The following EML5 variants were observed in gnomAD, a reference collection of about 807,000 sequenced individuals.
The protein encoded by EML5 is echinoderm microtubule-associated protein-like 5.
In EML5, 120 loss-of-function variants were observed where a neutral mutation model predicts 250.0. That is an observed-to-expected ratio of 0.48 (90% CI 0.41 to 0.56). The LOEUF is 0.56. Among genes scored for constraint, EML5 ranks in the 20% least tolerant of loss-of-function variants. EML5 has a pLI of 0.00. For synonymous variants in EML5, 771 were observed against 806.5 expected, an observed-to-expected ratio of 0.96 and a Z score of 0.75; for missense variants, 2,006 against 2,437.6, an observed-to-expected ratio of 0.82 and a Z score of 3.73.
chr14:88,643,954 G>A (rs979522242), intron 30 of EML5, among the ~76,000 whole-genome samples: 1 of 152,174 alleles, frequency 6.6e-6, no homozygotes, highest in Admixed American at 6.5e-5. Flanking sequence ...AATGCCTAAA[G>A]AGCCTTCCTT....
chr14:88,633,765 A>T (rs2090568693), intron 33 of EML5, among the ~76,000 whole-genome samples: 2 of 151,910 alleles, frequency 1.3e-5, no homozygotes, highest in South Asian at 4.2e-4. Flanking sequence ...AAATGCTTAT[A>T]CTTTTATTAA....
In EML5 at chr14:88,638,927, A is replaced by T; in HGVS notation, c.4238-20T>A. The T allele has an allele frequency of 6.5e-7, 1 of 1,533,800 alleles. No homozygotes were observed. The highest frequency in any genetic ancestry group is 8.8e-7 in the Non-Finnish European group (1 of 1,139,018). On this transcript the variant is annotated intron_variant, in intron 31 of 43. Transcript: ENST00000554922. ...GAGAACCTACAAAAAAGAATTTGAGAATTAAGTTTGAAAATTTTAAGATGT... is the reference window on the plus strand; with the variant it reads ...GAGAACCTACAAAAAAGAATTTGAGTATTAAGTTTGAAAATTTTAAGATGT...
intron 2 of EML5, among the ~76,000 whole-genome samples, chr14:88,750,689 G>A (rs1005372190): frequency 6.6e-6 from 1 of 152,090 alleles, no homozygotes; most frequent in Non-Finnish European, 1.5e-5. Context: ...TTGGTAGAAT[G>A]AATAATTTAT....
chr14:88,665,214 G>T, intron 22 of EML5, 123 bp downstream of exon 22: 1 of 1,038,458 alleles, frequency 9.6e-7, no homozygotes. Flanking sequence ...TTGCTACACT[G>T]CCTCTTCTAG....
chr14:88,694,854 TAGC>T (rs2093039621), intron 16 of EML5, among the ~76,000 whole-genome samples: 1 of 152,190 alleles, frequency 6.6e-6, no homozygotes, highest in East Asian at 1.9e-4. Context: ...CTTTAATAAA[TAGC>T]AGGTTAAAAT....
chr14:88,776,380 G>A (rs1267977780), intron 1 of EML5, among the ~76,000 whole-genome samples: 1 of 151,942 alleles, frequency 6.6e-6, no homozygotes, highest in African/African-American at 2.4e-5. Context: ...ACACAGAGAA[G>A]GAAATCACAA....
chr14:88,751,065 A>G (rs1219531962), intron 2 of EML5, among the ~76,000 whole-genome samples: 2 of 152,228 alleles, frequency 1.3e-5, no homozygotes, highest in African/African-American at 4.8e-5. Context: ...CTAGTTCTGC[A>G]ACTACAGGCA....
chr14:88,790,274 A>G (rs1317388629), intron 1 of EML5, among the ~76,000 whole-genome samples: 1 of 152,234 alleles, frequency 6.6e-6, no homozygotes, highest in Non-Finnish European at 1.5e-5. Context: ...TTTTCAGGAA[A>G]CTTATTTTCA....
chr14:88,616,169 A>G lies in EML5; in HGVS notation c.5870T>C (p.Val1957Ala). 1.9e-6 allele frequency: 3 copies of G among 1,613,934 alleles called. No homozygotes were observed. Among genetic ancestry groups the G allele is most frequent in the East Asian group, 2.2e-5 (1 of 44,886 alleles). ...GCAGTCATCACCTCCAGCACTAACA[A>G]CATGTCGATCACCACTGGTAAATCG... ...NIRFTSGDRH[V>A]VSAGGDDCSL... Residue 1957 changes from valine (V) to alanine (A), a missense_variant, in exon 43 of 44, where the codon GTT (valine) becomes GCT (alanine). Around this residue, in one of 7 missense-constraint regions of EML5, gnomAD observed 56 missense variants for 55.1 expected, o/e 1.02. Coordinates refer to ENST00000554922, the MANE Select transcript of EML5 (RefSeq NM_183387.3).
At chr14:88,692,224 A>C (rs928485461) in intron 17 of EML5, among the ~76,000 whole-genome samples, 4 of 152,086 alleles carry the variant, frequency 2.6e-5, no homozygotes. Flanking sequence ...AAAAAATACA[A>C]AAATCAGCTG....
At chr14:88,789,344 T>C (rs2094583564) in intron 1 of EML5, among the ~76,000 whole-genome samples, 1 of 152,196 alleles carries the variant, frequency 6.6e-6, no homozygotes, top group African/African-American at 2.4e-5. Context: ...TTGAAACTAA[T>C]TGCCATATAA....
In EML5 at chr14:88,622,732, C is replaced by A; in HGVS notation, c.4899-14G>T. 1 of 1,572,958 alleles carries A rather than the reference C, an allele frequency of 6.4e-7. No homozygotes were observed. Among genetic ancestry groups the A allele is most frequent in the Non-Finnish European group, 8.7e-7 (1 of 1,155,870 alleles). On this transcript the variant is annotated splice_polypyrimidine_tract_variant and intron_variant, in intron 36 of 43. Coordinates refer to ENST00000554922, the MANE Select transcript of EML5 (RefSeq NM_183387.3). ...CCTTCTTTTGACCTAAGTAAATAACCAAGCCAGAGTAAGTGTTCATTATTG... is the reference window on the plus strand; with the variant it reads ...CCTTCTTTTGACCTAAGTAAATAACAAAGCCAGAGTAAGTGTTCATTATTG...
intron 15 of EML5, among the ~76,000 whole-genome samples, 169 bp from the exon 16 acceptor site, chr14:88,695,623 A>C (rs1208772380): frequency 2.0e-5 from 3 of 152,118 alleles, no homozygotes; most frequent in Admixed American, 1.3e-4. Context: ...AGGGAGGGAG[A>C]ATAAAAGTTT....
chr14:88,712,246 CT>C, intron 10 of EML5, 24 bp downstream of exon 10: 1 of 1,505,030 alleles, frequency 6.6e-7, no homozygotes, highest in South Asian at 1.1e-5. Context: ...AGAGAGGTTA[CT>C]TAATATTTTG....
At chr14:88,760,991 G>A (rs2094232901) in intron 1 of EML5, among the ~76,000 whole-genome samples, 1 of 152,050 alleles carries the variant, frequency 6.6e-6, no homozygotes. Flanking sequence ...TACGTATGTT[G>A]ACCTGGTATC....
intron 29 of EML5, among the ~76,000 whole-genome samples, chr14:88,645,053 G>A (rs969414727): frequency 6.6e-6 from 1 of 151,066 alleles, no homozygotes; most frequent in African/African-American, 2.4e-5. Context: ...TTTAGACCAA[G>A]TTTCACTTTG....
At position 88,661,557 on chromosome 14, in the gene EML5, A is replaced by G; in HGVS notation, c.3675+97T>C. The G allele has an allele frequency of 5.6e-6, 6 of 1,071,208 alleles. No homozygotes were observed. In the South Asian group the frequency reaches 6.9e-5, roughly 12 times the overall value. The allele number at this position is 1,071,208 out of a possible 1,614,324, so 66.4% of individuals were successfully genotyped here. On this transcript the variant is annotated intron_variant, in intron 25 of 43. Coordinates refer to ENST00000554922, the MANE Select transcript of EML5 (RefSeq NM_183387.3). ...TTCATATTACAACATTACATATTAC[A>G]TATGTACAATTAATAACAATGAAGT...
At chr14:88,780,767 G>T (rs1399966773) in intron 1 of EML5, among the ~76,000 whole-genome samples, 1 of 152,066 alleles carries the variant, frequency 6.6e-6, no homozygotes, top group South Asian at 2.1e-4. Flanking sequence ...TAGAGACGGG[G>T]TTTCATCATC....
intron 15 of EML5, among the ~76,000 whole-genome samples, chr14:88,696,199 T>C (rs6575018): frequency 0.17 from 26,483 of 151,486 alleles, 2,865 homozygotes; most frequent in East Asian, 0.47. Context: ...CCCTCTGAAC[T>C]CTACTATGGA....
Sources: gnomAD v4.1 joint callset for allele counts (sites outside exome capture counted in the v4.1 genomes callset) on GRCh38, gnomAD v4.1.1 for gene constraint, gnomAD v4.1.1 regional missense constraint, MANE v1.5 for transcripts, NCBI Gene and HGNC (gene_info 2026-07-23, HGNC 2026-07-21) for gene names.